Variants in PARN observed in about 807,000 individuals in gnomAD.
PARN encodes poly(A)-specific ribonuclease PARN.
A neutral mutation model predicts 102.8 loss-of-function variants in PARN; 71 were observed. That is an observed-to-expected ratio of 0.69 (90% CI 0.57 to 0.84). The LOEUF (loss-of-function observed/expected upper bound fraction) is 0.84. Ranked by LOEUF, PARN falls within the 40% of genes least tolerant of loss-of-function variation. The pLI, the probability that PARN is intolerant of heterozygous loss-of-function variation, is 0.00. For synonymous variants in PARN, 261 were observed against 252.9 expected (o/e 1.03, Z -0.30); for missense variants, 782 against 760.9 (o/e 1.03, Z -0.33).
intron 6 of PARN, among the ~76,000 whole-genome samples, chr16:14,614,275 AAG>A (rs1491271956): frequency 1.3e-5 from 2 of 152,050 alleles, no homozygotes; most frequent in African/African-American, 4.8e-5. Context: ...AAAAAAAAAA[AAG>A]AGTAAATGAG....
intron 21 of PARN, chr16:14,501,443 A>AAAAAAAAAAAAAAAAAC (rs1165195598): frequency 8.1e-6 from 1 of 123,570 alleles, no homozygotes; most frequent in Non-Finnish European, 1.6e-5. Context: ...TCCAAAAAAA[A>AAAAAAAAAAAAAAAAAC]AAAAAAAAAA....
At position 14,627,330 on chromosome 16, in the gene PARN, T is replaced by C. The variant is rs756788280; in HGVS notation, c.184A>G (p.Met62Val). 5.7e-6 allele frequency: 9 copies of C among 1,583,426 alleles called. No homozygotes were observed. The highest frequency in any genetic ancestry group is 1.8e-5 in the Admixed American group (1 of 54,910). Residue 62 changes from methionine (M) to valine (V), a missense_variant, in exon 4 of 24, where the codon ATG (methionine) becomes GTG (valine). Transcript: ENST00000437198. ...CCAAACTGAAATAGCAAAAAGTCCA[T>C]GGAATGCTGGAAAAGGGAAATAAAA... ...ERYQKLKKHS[M>V]DFLLFQFGLC... is the part of the protein sequence containing the mutation.
chr16:14,613,816 A>T (rs1314790467), intron 6 of PARN, among the ~76,000 whole-genome samples: 1 of 152,218 alleles, frequency 6.6e-6, no homozygotes, highest in African/African-American at 2.4e-5. Context: ...GCCTCCTGGT[A>T]TGATACACGG....
intron 1 of PARN, 103 bp from the exon 2 acceptor site, chr16:14,629,777 G>A: frequency 1.1e-6 from 1 of 895,296 alleles, no homozygotes; most frequent in Non-Finnish European, 1.9e-6. Context: ...AGCCGGAAGG[G>A]GAAAAGTCCC....
chr16:14,555,742 A>G (rs1364600270), intron 18 of PARN, 33 bp from the exon 19 acceptor site: 5 of 1,168,006 alleles, frequency 4.3e-6, no homozygotes, highest in Non-Finnish European at 6.0e-6. Flanking sequence ...AGTAATGGGC[A>G]ATTTCCTTTA....
In PARN at chr16:14,531,901, A is replaced by C. The variant is rs1271503900; in HGVS notation, c.1480+20120T>G. On this transcript the variant is annotated intron_variant, in intron 21 of 23. Transcript: ENST00000437198. ...AAGATAGCAAGATCCCATTTCTTTA[A>C]AAAAAAAAAAAAAAAGGCAGGCATG... Among the ~76,000 whole-genome samples the C allele has an allele frequency of 5.6e-4, 75 of 133,470 alleles. 2 individuals carry two copies. Among genetic ancestry groups the C allele is most frequent in the Middle Eastern group, 3.6e-3 (1 of 276 alleles). The allele number at this position is 133,470 out of a possible 152,430, so 87.6% of individuals were successfully genotyped here.
At chr16:14,617,712 G>A in intron 5 of PARN, 62 bp from the exon 6 acceptor site, 1 of 957,382 alleles carries the variant, frequency 1.0e-6, no homozygotes, top group Non-Finnish European at 1.7e-6. Context: ...ATAAAGAGAT[G>A]CAGAGAAGTA....
intron 21 of PARN, among the ~76,000 whole-genome samples, chr16:14,536,682 T>C (rs922021406): frequency 6.6e-6 from 1 of 152,232 alleles, no homozygotes; most frequent in Non-Finnish European, 1.5e-5. Flanking sequence ...TAAACAACTT[T>C]TTCCTTTTCT....
intron 6 of PARN, among the ~76,000 whole-genome samples, chr16:14,611,368 AT>A (rs1253048659): frequency 1.3e-5 from 2 of 152,218 alleles, no homozygotes; most frequent in African/African-American, 4.8e-5. Flanking sequence ...AGAAATGTAC[AT>A]TATTCTAACA....
chr16:14,482,259 G>A (rs371735632), intron 22 of PARN, among the ~76,000 whole-genome samples: 3 of 152,122 alleles, frequency 2.0e-5, no homozygotes, highest in South Asian at 4.1e-4. Flanking sequence ...GCCAGGTGTG[G>A]TGGTGCGTAC....
chr16:14,563,279 G>A (rs929269744), intron 18 of PARN, among the ~76,000 whole-genome samples: 4 of 152,114 alleles, frequency 2.6e-5, no homozygotes, highest in South Asian at 2.1e-4. Context: ...TCAGACAGGC[G>A]GCCACTTTAA....
intron 21 of PARN, among the ~76,000 whole-genome samples, chr16:14,510,401 G>T (rs566291901): frequency 6.6e-6 from 1 of 151,968 alleles, no homozygotes; most frequent in Non-Finnish European, 1.5e-5. Flanking sequence ...TCATTTTGGC[G>T]AATTCTAGTG....
chr16:14,603,992 T>C (rs1971030688), intron 11 of PARN, among the ~76,000 whole-genome samples, 154 bp downstream of exon 11: 1 of 152,212 alleles, frequency 6.6e-6, no homozygotes, highest in Non-Finnish European at 1.5e-5. Flanking sequence ...TAACTTCCCC[T>C]TATTCTAGTC....
chr16:14,524,184 A>T (rs987593934), intron 21 of PARN, among the ~76,000 whole-genome samples: 2 of 152,210 alleles, frequency 1.3e-5, no homozygotes, highest in African/African-American at 4.8e-5. Flanking sequence ...TAAGACACTT[A>T]AAATATTTCA....
intron 18 of PARN, among the ~76,000 whole-genome samples, chr16:14,563,449 C>T (rs890712519): frequency 1.9e-4 from 29 of 150,752 alleles, no homozygotes; most frequent in Non-Finnish European, 8.8e-5. Context: ...ATGCTGACCA[C>T]GAGTTTTAAT....
At chr16:14,533,083 G>A (rs1449829476) in intron 21 of PARN, among the ~76,000 whole-genome samples, 1 of 152,044 alleles carries the variant, frequency 6.6e-6, no homozygotes, top group Non-Finnish European at 1.5e-5. Flanking sequence ...GTAGCGAGCC[G>A]AGATCACGCC....
chr16:14,584,776 T>C lies in PARN; in HGVS notation c.978A>G (p.Lys326=), dbSNP rs200678657. ...TAAAAGGTTGTGTGCTGGCCATCAA[T>C]TTAGTATCCAAGAGTCTAAAAAGAA... ...TCVFPRLLDT[K]LMASTQPFKD... is the part of the protein sequence containing the mutation. The change falls in exon 15 of 24, where the codon AAA becomes AAG. Residue 326 remains lysine (K), a synonymous_variant. Transcript: ENST00000437198. 1.5e-4 allele frequency: 239 copies of C among 1,565,652 alleles called. No individual in the cohort carries two copies. The highest frequency in any genetic ancestry group is 5.0e-4 in the Middle Eastern group (3 of 5,960).
Position 14,609,109 on chromosome 16 carries a change from T to C in PARN, c.569A>G (p.Asp190Gly), listed in dbSNP as rs769599205. Residue 190 changes from aspartate (D) to glycine (G), a missense_variant, in exon 8 of 24, where the codon GAT becomes GGT. Transcript: ENST00000437198. ...FIDQVVEKIE[D>G]LLQSEENKNL... ...CTTGTTTTCTTCACTTTGTAATAAA[T>C]CCTCTATTTTCTCTCTGAGGAATAA... 6.6e-7 allele frequency: 1 copy of C among 1,523,400 alleles called. No individual in the cohort carries two copies. Among genetic ancestry groups the C allele is most frequent in the Admixed American group, 1.8e-5 (1 of 54,860 alleles). 94.4% of individuals were successfully genotyped at this position (1,523,400 alleles called of 1,614,324 possible).
intron 9 of PARN, among the ~76,000 whole-genome samples, chr16:14,607,456 C>A (rs1344979753): frequency 6.6e-6 from 1 of 152,098 alleles, no homozygotes; most frequent in Non-Finnish European, 1.5e-5. Context: ...GATCTGCCCA[C>A]CTCGGCCTCC....
Sources: allele counts gnomAD v4.1 joint callset (sites outside exome capture counted in the v4.1 genomes callset), GRCh38; gene constraint gnomAD v4.1.1; transcripts MANE v1.5; gene names NCBI Gene and HGNC (gene_info 2026-07-23, HGNC 2026-07-21).